Variants in DEPTOR observed in about 807,000 individuals in gnomAD.
DEPTOR encodes the protein DEP domain-containing mTOR-interacting protein.
DEPTOR carries 41 observed loss-of-function variants against 41.6 expected under a neutral mutation model. The observed-to-expected ratio is 0.98, with a 90% CI of 0.77 to 1.28. The LOEUF is 1.28. Among genes scored for constraint, DEPTOR ranks in the 50% most tolerant of loss-of-function variants. DEPTOR has a pLI of 0.00. For missense variants in DEPTOR, 514 were observed against 527.9 expected, an observed-to-expected ratio of 0.97 and a Z score of 0.26; for synonymous variants, 195 against 192.3, an observed-to-expected ratio of 1.01 and a Z score of -0.12.
At chr8:119,939,370 A>G (rs9918815) in intron 3 of DEPTOR, among the ~76,000 whole-genome samples, 44,571 of 151,858 alleles carry the variant, frequency 0.29, 6,990 homozygotes, top group Middle Eastern at 0.41. Flanking sequence ...TCAGAGTAGA[A>G]CAACTAGTCA....
intron 1 of DEPTOR, among the ~76,000 whole-genome samples, chr8:119,917,837 A>T (rs1827834457): frequency 6.6e-6 from 1 of 152,220 alleles, no homozygotes; most frequent in African/African-American, 2.4e-5. Flanking sequence ...ATAAAACCCG[A>T]TTGTATATTC....
At chr8:119,964,600 A>C (rs1411277943) in intron 3 of DEPTOR, among the ~76,000 whole-genome samples, 1 of 152,032 alleles carries the variant, frequency 6.6e-6, no homozygotes, top group Non-Finnish European at 1.5e-5. Context: ...CACAGAAGTG[A>C]AATAATGCAA....
At chr8:119,958,938 A>G (rs890514684) in intron 3 of DEPTOR, among the ~76,000 whole-genome samples, 1 of 152,170 alleles carries the variant, frequency 6.6e-6, no homozygotes, top group Non-Finnish European at 1.5e-5. Flanking sequence ...CACATGAGGA[A>G]CTACTGTGTC....
At chr8:119,887,200 TACTC>T (rs1827378630) in intron 1 of DEPTOR, among the ~76,000 whole-genome samples, 2 of 119,332 alleles carry the variant, frequency 1.7e-5, no homozygotes, top group South Asian at 6.9e-4. Flanking sequence ...TCTGGAGTTT[TACTC>T]ACTCTGTCGC....
intron 1 of DEPTOR, among the ~76,000 whole-genome samples, chr8:119,902,846 A>T (rs182716954): frequency 2.5e-4 from 38 of 152,324 alleles, no homozygotes; most frequent in African/African-American, 6.5e-4. Context: ...GGAATTTTTT[A>T]AAAATATGCA....
intron 8 of DEPTOR, among the ~76,000 whole-genome samples, chr8:120,047,018 G>T (rs918139382): frequency 6.6e-6 from 1 of 152,096 alleles, no homozygotes; most frequent in Non-Finnish European, 1.5e-5. Flanking sequence ...CCAGAGTCTG[G>T]GTTTTTATTT....
At chr8:120,015,810 G>T (rs992674185) in intron 8 of DEPTOR, among the ~76,000 whole-genome samples, 1 of 152,100 alleles carries the variant, frequency 6.6e-6, no homozygotes, top group Admixed American at 6.6e-5. Context: ...AGGGCTCAGG[G>T]GATTGGTTTG....
intron 3 of DEPTOR, among the ~76,000 whole-genome samples, chr8:119,945,510 T>C (rs1243615760): frequency 3.9e-5 from 6 of 152,232 alleles, no homozygotes; most frequent in African/African-American, 1.2e-4. Context: ...ATGGGCTAAG[T>C]AGATGCTTTC....
intron 3 of DEPTOR, among the ~76,000 whole-genome samples, chr8:119,939,196 C>CA (rs1420882037): frequency 6.6e-6 from 1 of 152,154 alleles, no homozygotes; most frequent in Non-Finnish European, 1.5e-5. Context: ...TAAAGTATGT[C>CA]AAAGAGTGTG....
At chr8:119,921,762 TTGTTTGTTTG>T (rs1158460492) in intron 1 of DEPTOR, among the ~76,000 whole-genome samples, 4 of 144,450 alleles carry the variant, frequency 2.8e-5, no homozygotes, top group Admixed American at 6.8e-5. Flanking sequence ...TTTTTTTTGT[TTGTTTGTTTG>T]TTTTTTGAAA....
intron 1 of DEPTOR, among the ~76,000 whole-genome samples, chr8:119,883,074 T>C (rs1827319314): frequency 6.6e-6 from 1 of 152,156 alleles, no homozygotes; most frequent in East Asian, 1.9e-4. Flanking sequence ...CTTGAGCTAT[T>C]TTCATCAGGG....
rs140185594 is a variant in DEPTOR at position 119,936,156 on chromosome 8, T to C, written c.425+6218T>C. On this transcript the variant is annotated intron_variant, in intron 3 of 8. Transcript: ENST00000286234. Reference sequence around the variant, plus strand: ...CGTATGCCATTAGATGTCTATTGAATTCCTACTGCTTCCTTCAATTTCTTT... The same window carrying C: ...CGTATGCCATTAGATGTCTATTGAACTCCTACTGCTTCCTTCAATTTCTTT... 4.1e-3 allele frequency among the ~76,000 whole-genome samples: 626 copies of C among 152,310 alleles called. 3 individuals are homozygous for C. The highest frequency in any genetic ancestry group is 7.5e-3 in the Non-Finnish European group (507 of 68,022).
chr8:119,894,381 C>CT (rs1563959074), intron 1 of DEPTOR, among the ~76,000 whole-genome samples: 2 of 76,906 alleles, frequency 2.6e-5, no homozygotes, highest in Non-Finnish European at 6.4e-5. Flanking sequence ...TCTAATAGTT[C>CT]TTTTTTATTT....
At chr8:120,007,341 A>T (rs553247853) in intron 7 of DEPTOR, among the ~76,000 whole-genome samples, 1 of 152,312 alleles carries the variant, frequency 6.6e-6, no homozygotes, top group African/African-American at 2.4e-5. Context: ...GGGAGTGTTA[A>T]GCTAGAGAAA....
At chr8:120,044,603 G>A (rs1586672139) in intron 8 of DEPTOR, among the ~76,000 whole-genome samples, 1 of 152,194 alleles carries the variant, frequency 6.6e-6, no homozygotes, top group Admixed American at 6.5e-5. Flanking sequence ...GGGCATGTTG[G>A]TTGACATTCC....
chr8:120,003,039 G>A lies in DEPTOR; in HGVS notation c.853G>A (p.Gly285Ser). Residue 285 changes from glycine (G) to serine (S), a missense_variant, in exon 6 of 9, where the codon GGC (glycine) becomes AGC (serine). Physicochemically the swap from Gly to Ser is moderately conservative, Grantham distance 56 (BLOSUM62 0). Coordinates refer to ENST00000286234, the MANE Select transcript of DEPTOR (RefSeq NM_022783.4). ...AVRRSSMSSCGSSGYFSSSPT... is the reference protein window; with the variant it reads ...AVRRSSMSSCSSSGYFSSSPT... ...GAGGAGAAGCAGCATGAGCAGCTGT[G>A]GCAGCAGCGGCTACTTCAGCAGCAG... 1 of 1,609,672 alleles carries A rather than the reference G, an allele frequency of 6.2e-7. No individual in the cohort carries two copies. The highest frequency in any genetic ancestry group is 2.2e-5 in the East Asian group (1 of 44,632).
chr8:119,906,033 G>A (rs371162332), intron 1 of DEPTOR, among the ~76,000 whole-genome samples: 3 of 152,050 alleles, frequency 2.0e-5, no homozygotes, highest in African/African-American at 2.4e-5. Flanking sequence ...GCTCAAGCAG[G>A]CCTCCTGCCT....
rs1828017727 is a variant in DEPTOR, at chr8:119,929,853, T to C, written c.340T>C (p.Phe114Leu). 6.2e-7 allele frequency: 1 copy of C among 1,613,834 alleles called. No homozygotes were observed. ...EHKEFKDVKL[F>L]YRFRKDDGTF... The stretch of plus-strand genomic sequence containing the variant: ...TAAGGAATTCAAGGATGTCAAACTC[T>C]TCTACCGCTTTAGAAAGGATGACGG... The change falls in exon 3 of 9, where the codon TTC becomes CTC. Residue 114 changes from phenylalanine to leucine, a missense_variant. By Grantham distance (22) the Phe-to-Leu change is conservative. Coordinates refer to ENST00000286234, the MANE Select transcript of DEPTOR (RefSeq NM_022783.4).
chr8:120,004,211 T>C (rs543155979), intron 6 of DEPTOR, among the ~76,000 whole-genome samples: 104 of 152,340 alleles, frequency 6.8e-4, no homozygotes, highest in African/African-American at 2.4e-3. Context: ...TGTCATCTAA[T>C]GGTATTATCT....
Sources: gnomAD v4.1 joint callset for allele counts (sites outside exome capture counted in the v4.1 genomes callset) on GRCh38, gnomAD v4.1.1 for gene constraint, MANE v1.5 for transcripts, NCBI Gene and HGNC (gene_info 2026-07-23, HGNC 2026-07-21) for gene names.